GPC3: variants seen among roughly 807,000 people sequenced by gnomAD.
The protein encoded by GPC3 is glypican 3, also known as glypican-3.
A neutral mutation model predicts 34.4 loss-of-function variants in GPC3; 3 were observed. That is an observed-to-expected ratio of 0.09 (90% CI 0.04 to 0.23). GPC3 has a LOEUF of 0.23. GPC3 is among the 10% of genes least tolerant of loss of function. GPC3 has a pLI of 1.00. For synonymous variants in GPC3, 177 were observed against 174.0 expected (o/e 1.02, Z -0.13); for missense variants, 351 against 445.6 (o/e 0.79, Z 1.91).
intron 2 of GPC3, among the ~76,000 whole-genome samples, chrX:133,768,406 C>A (rs1168387163): frequency 9.0e-6 from 1 of 110,965 alleles, no homozygotes; most frequent in Non-Finnish European, 1.9e-5. Flanking sequence ...GTCATGTATC[C>A]AAAACTAGAG....
At chrX:133,896,362 G>GAAA (rs375226597) in intron 2 of GPC3, among the ~76,000 whole-genome samples, 2 of 81,186 alleles carry the variant, frequency 2.5e-5, no homozygotes, top group Non-Finnish European at 4.8e-5. Context: ...GATTGTCTCA[G>GAAA]AAAAAAAAAA....
chrX:133,985,552 G>T lies in GPC3; in HGVS notation c.-103C>A. On this transcript the variant is annotated 5_prime_UTR_variant, in exon 1 of 8. Coordinates refer to ENST00000370818, the MANE Select transcript of GPC3 (RefSeq NM_004484.4). ...GCAGTGGCCCTGAGGAGCAAGAGAC[G>T]TGCTGCTACCCAGCCGCTGCAAAAG... 2 of 809,575 alleles carry T rather than the reference G, an allele frequency of 2.5e-6. No individual in the cohort carries two copies. The highest frequency in any genetic ancestry group is 3.6e-6 in the Non-Finnish European group (2 of 562,789). 66.7% of individuals were successfully genotyped at this position (809,575 alleles called of 1,213,427 possible). A position where few individuals can be genotyped will look rare whatever the true frequency, so the allele number is the denominator to read the frequency against.
chrX:133,921,810 T>A lies in GPC3; in HGVS notation c.337+31240A>T, dbSNP rs190280692. Among the ~76,000 whole-genome samples the A allele has an allele frequency of 9.4e-4, 106 of 112,423 alleles. 1 individual carries two copies. The highest frequency in any genetic ancestry group is 3.3e-3 in the African/African-American group (101 of 31,006). ...CTGCCTACCCTGATATGTTGCACTG[T>A]ATACCAACCCAGTTGCCTGCTCTGT... On this transcript the variant is annotated intron_variant, in intron 2 of 7. Transcript: ENST00000370818.
At chrX:133,758,002 C>A (rs551526381) in intron 2 of GPC3, among the ~76,000 whole-genome samples, 2 of 111,431 alleles carry the variant, frequency 1.8e-5, no homozygotes, top group African/African-American at 6.5e-5. Context: ...CAATGAGATA[C>A]CATCTCACAC....
chrX:133,840,590 T>TATCATC (rs760935848), intron 2 of GPC3, among the ~76,000 whole-genome samples: 1 of 109,902 alleles, frequency 9.1e-6, no homozygotes, highest in Non-Finnish European at 1.9e-5. Flanking sequence ...ATATGTTAAC[T>TATCATC]ATCATCATCA....
chrX:133,984,727 G>A (rs1001684352), intron 1 of GPC3, among the ~76,000 whole-genome samples: 2 of 108,751 alleles, frequency 1.8e-5, no homozygotes, highest in Admixed American at 2.0e-4. Flanking sequence ...TTGCCTCAGT[G>A]TGTCTTCACC....
chrX:133,666,310 T>G (rs1169984202), intron 5 of GPC3, among the ~76,000 whole-genome samples: 1 of 112,412 alleles, frequency 8.9e-6, no homozygotes, highest in Non-Finnish European at 1.9e-5. Flanking sequence ...CTTGCCAAAC[T>G]TTTTGAAAGT....
intron 2 of GPC3, among the ~76,000 whole-genome samples, chrX:133,911,267 T>C (rs184531813): frequency 1.5e-4 from 17 of 112,101 alleles, no homozygotes; most frequent in Admixed American, 2.8e-4. Context: ...CTACAAATTT[T>C]CATTGAGCCT....
chrX:133,797,200 G>A lies in GPC3; in HGVS notation c.338-43024C>T, dbSNP rs749317655. ...GAATCCAGGCTCTTAACCACAGTCC[G>A]GTGGTCTCAGCCGCAATCAGATTGT... On this transcript the variant is annotated intron_variant, in intron 2 of 7. Coordinates refer to ENST00000370818, the MANE Select transcript of GPC3 (RefSeq NM_004484.4). Among the ~76,000 whole-genome samples the A allele has an allele frequency of 3.6e-5, 4 of 110,285 alleles. No individual in the cohort carries two copies. In the South Asian group the frequency reaches 1.6e-3, roughly 45 times the overall value.
chrX:133,624,866 A>AT (rs932489450), intron 6 of GPC3, among the ~76,000 whole-genome samples: 15 of 111,279 alleles, frequency 1.3e-4, no homozygotes, highest in African/African-American at 4.9e-4. Flanking sequence ...AAAAAAAAAA[A>AT]GAGAATTTTA....
intron 1 of GPC3, among the ~76,000 whole-genome samples, chrX:133,967,303 T>C (rs1401128066): frequency 1.8e-5 from 2 of 112,268 alleles, no homozygotes; most frequent in Non-Finnish European, 3.8e-5. Flanking sequence ...AAATAAATTA[T>C]CCAAACAGGT....
intron 2 of GPC3, among the ~76,000 whole-genome samples, chrX:133,837,695 A>G (rs2075806053): frequency 9.0e-6 from 1 of 111,730 alleles, no homozygotes. Flanking sequence ...CCTTAGAAGA[A>G]CCAAGAAATC....
chrX:133,536,250 A>T lies in GPC3; in HGVS notation c.1617T>A (p.Ser539Arg). The T allele has an allele frequency of 8.3e-7, 1 of 1,206,227 alleles. No individual in the cohort carries two copies. The highest frequency in any genetic ancestry group is 2.2e-5 in the Admixed American group (1 of 45,879). The change falls in exon 8 of 8, where the codon AGT (serine) becomes AGA (arginine). Residue 539 changes from serine to arginine, a missense_variant. Coordinates refer to ENST00000370818, the MANE Select transcript of GPC3 (RefSeq NM_004484.4). ...DLDVDDAPGNSQQATPKDNEI... is the reference protein window; with the variant it reads ...DLDVDDAPGNRQQATPKDNEI... Reference sequence around the variant, plus strand: ...CGTTGTCCTTCGGAGTTGCCTGCTGACTGTTTCCAGGCGCATCATCCACAT... The same window carrying T: ...CGTTGTCCTTCGGAGTTGCCTGCTGTCTGTTTCCAGGCGCATCATCCACAT...
intron 2 of GPC3, among the ~76,000 whole-genome samples, chrX:133,848,566 G>A (rs2075857061): frequency 8.9e-6 from 1 of 111,884 alleles, no homozygotes; most frequent in African/African-American, 3.2e-5. Flanking sequence ...GAAATCAATT[G>A]GAAATAGACA....
chrX:133,919,849 A>G (rs1169493145), intron 2 of GPC3, among the ~76,000 whole-genome samples: 3 of 108,134 alleles, frequency 2.8e-5, no homozygotes, highest in African/African-American at 1.0e-4. Flanking sequence ...CTCAAAAAAA[A>G]AAAAAAATCT....
At chrX:133,545,125 TAGA>T (rs1456181870) in intron 7 of GPC3, among the ~76,000 whole-genome samples, 2 of 110,721 alleles carry the variant, frequency 1.8e-5, no homozygotes, top group African/African-American at 6.6e-5. Context: ...TAACAGTCAG[TAGA>T]AGAAGAGGAG....
intron 2 of GPC3, among the ~76,000 whole-genome samples, chrX:133,883,074 T>C (rs1271943182): frequency 9.0e-6 from 1 of 111,418 alleles, no homozygotes; most frequent in Non-Finnish European, 1.9e-5. Flanking sequence ...TTTAGAAATA[T>C]ATTTGTGTGT....
At chrX:133,840,150 T>C (rs989329922) in intron 2 of GPC3, among the ~76,000 whole-genome samples, 1 of 110,926 alleles carries the variant, frequency 9.0e-6, no homozygotes, top group Non-Finnish European at 1.9e-5. Flanking sequence ...ATATCCTTTA[T>C]AGATACTTCA....
intron 2 of GPC3, among the ~76,000 whole-genome samples, chrX:133,905,521 T>A (rs770144696): frequency 2.7e-5 from 3 of 111,683 alleles, no homozygotes; most frequent in Non-Finnish European, 5.6e-5. Context: ...AGAATACCCA[T>A]CCCCGGGAGA....
Sources: gnomAD v4.1 joint callset for allele counts (sites outside exome capture counted in the v4.1 genomes callset) on GRCh38, gnomAD v4.1.1 for gene constraint, MANE v1.5 for transcripts, NCBI Gene and HGNC (gene_info 2026-07-23, HGNC 2026-07-21) for gene names.